The following GABRB1 variants were observed in gnomAD, a reference collection of about 807,000 sequenced individuals.
GABRB1 encodes the protein gamma-aminobutyric acid type A receptor subunit beta1.
GABRB1 carries 17 observed loss-of-function variants against 51.6 expected under a neutral mutation model. That is an observed-to-expected ratio of 0.33 (90% CI 0.23 to 0.49). The LOEUF (loss-of-function observed/expected upper bound fraction) is 0.49. GABRB1 is among the 20% of genes least tolerant of loss of function. The pLI is 0.99. For synonymous variants in GABRB1, 247 were observed against 218.9 expected (o/e 1.13, Z -1.14); for missense variants, 410 against 600.6 (o/e 0.68, Z 3.32).
At chr4:47,093,234 C>A (rs1399942674) in intron 3 of GABRB1, among the ~76,000 whole-genome samples, 2 of 152,132 alleles carry the variant, frequency 1.3e-5, no homozygotes, top group Non-Finnish European at 2.9e-5. Flanking sequence ...GACTAACCAC[C>A]ACTGAAACGA....
chr4:47,154,592 A>G (rs1183843740), intron 3 of GABRB1, among the ~76,000 whole-genome samples: 1 of 151,974 alleles, frequency 6.6e-6, no homozygotes, highest in Non-Finnish European at 1.5e-5. Context: ...TGAGATTCTG[A>G]TATGTGTGTT....
intron 3 of GABRB1, among the ~76,000 whole-genome samples, chr4:47,045,929 A>G (rs1374157299): frequency 2.0e-5 from 3 of 151,992 alleles, no homozygotes; most frequent in Admixed American, 2.0e-4. Context: ...CTGTGTCCCC[A>G]CTCAAATCTT....
intron 4 of GABRB1, among the ~76,000 whole-genome samples, chr4:47,298,092 A>G (rs959885970): frequency 1.1e-4 from 16 of 152,310 alleles, no homozygotes; most frequent in African/African-American, 3.6e-4. Context: ...GACGTATCTC[A>G]AAATAATAAG....
intron 4 of GABRB1, among the ~76,000 whole-genome samples, chr4:47,172,681 G>A (rs1042480735): frequency 3.9e-4 from 42 of 108,496 alleles, no homozygotes; most frequent in East Asian, 1.3e-3. Flanking sequence ...TTCCTATGTC[G>A]CCCAGGCTGA....
At chr4:47,114,616 T>C (rs775357162) in intron 3 of GABRB1, among the ~76,000 whole-genome samples, 2 of 152,248 alleles carry the variant, frequency 1.3e-5, no homozygotes, top group Non-Finnish European at 2.9e-5. Flanking sequence ...TGTTAGTTTG[T>C]AGCATTATGA....
chr4:47,337,746 G>T (rs777945664), intron 5 of GABRB1, among the ~76,000 whole-genome samples: 2 of 145,068 alleles, frequency 1.4e-5, no homozygotes, highest in African/African-American at 2.6e-5. Context: ...GGCAGCAAAG[G>T]TTTCAGTGAG....
chr4:47,123,510 A>G (rs1215826003), intron 3 of GABRB1, among the ~76,000 whole-genome samples: 7 of 92,752 alleles, frequency 7.5e-5, no homozygotes, highest in African/African-American at 2.7e-4. Flanking sequence ...AATATATTAT[A>G]TATTATAATA....
At position 47,009,159 on chromosome 4, in the gene GABRB1, C is replaced by T. The variant is rs186513386; in HGVS notation, c.-20+15233C>T. 1.7e-3 allele frequency among the ~76,000 whole-genome samples: 254 copies of T among 149,784 alleles called. 1 individual carries two copies. The highest frequency in any genetic ancestry group is 5.8e-3 in the African/African-American group (239 of 41,054). On this transcript the variant is annotated intron_variant, in intron 1 of 3. Transcript: ENST00000513567. Reference sequence around the variant, plus strand: ...GATTACAGGCATGAGCCACCGCGCCCGGCCAGATACTACATTTTGTTCACT... The same window carrying T: ...GATTACAGGCATGAGCCACCGCGCCTGGCCAGATACTACATTTTGTTCACT...
chr4:47,061,018 A>T (rs987244633), intron 3 of GABRB1, among the ~76,000 whole-genome samples: 1 of 152,240 alleles, frequency 6.6e-6, no homozygotes, highest in Non-Finnish European at 1.5e-5. Context: ...TTCTATCATT[A>T]TGAAACACAA....
intron 4 of GABRB1, among the ~76,000 whole-genome samples, chr4:47,245,868 T>C (rs1471565086): frequency 6.6e-6 from 1 of 151,212 alleles, no homozygotes; most frequent in Non-Finnish European, 1.5e-5. Context: ...AGAAACATTG[T>C]AGAGGTCTAC....
intron 4 of GABRB1, among the ~76,000 whole-genome samples, chr4:47,292,177 G>A (rs763927303): frequency 1.4e-4 from 21 of 152,042 alleles, no homozygotes; most frequent in Non-Finnish European, 2.2e-4. Context: ...GAGATCTGAT[G>A]GTCATTACAA....
intron 8 of GABRB1, among the ~76,000 whole-genome samples, chr4:47,421,446 T>C (rs577997170): frequency 6.6e-6 from 1 of 152,164 alleles, no homozygotes; most frequent in Admixed American, 6.5e-5. Context: ...ATCAGGTGAT[T>C]CCATTTTACA....
chr4:47,081,743 T>A (rs1407015093), intron 3 of GABRB1, among the ~76,000 whole-genome samples: 1 of 152,144 alleles, frequency 6.6e-6, no homozygotes, highest in African/African-American at 2.4e-5. Context: ...ATAATTAACG[T>A]CTACTGGCTT....
intron 3 of GABRB1, among the ~76,000 whole-genome samples, chr4:47,077,707 C>T (rs1727616992): frequency 6.6e-6 from 1 of 150,966 alleles, no homozygotes; most frequent in Non-Finnish European, 1.5e-5. Context: ...ATATGAGATA[C>T]TTTGTTCCAC....
chr4:47,342,963 A>G (rs1725957686), intron 5 of GABRB1, among the ~76,000 whole-genome samples: 1 of 152,114 alleles, frequency 6.6e-6, no homozygotes, highest in Non-Finnish European at 1.5e-5. Context: ...CATATTTGGC[A>G]AGATGTGTGG....
At chr4:47,362,283 A>G (rs758345411) in intron 5 of GABRB1, among the ~76,000 whole-genome samples, 1 of 152,146 alleles carries the variant, frequency 6.6e-6, no homozygotes, top group African/African-American at 2.4e-5. Context: ...TGGAACTAGA[A>G]GTCAGAGTGG....
At chr4:47,096,191 T>C (rs1369287630) in intron 3 of GABRB1, among the ~76,000 whole-genome samples, 1 of 152,186 alleles carries the variant, frequency 6.6e-6, no homozygotes, top group Non-Finnish European at 1.5e-5. Context: ...AGAGAACATA[T>C]AGCTTTCCAA....
At chr4:47,334,483 A>G (rs1725619907) in intron 5 of GABRB1, among the ~76,000 whole-genome samples, 1 of 152,172 alleles carries the variant, frequency 6.6e-6, no homozygotes, top group Non-Finnish European at 1.5e-5. Context: ...GTTAAGTAAC[A>G]TTCCTGGCAT....
intron 3 of GABRB1, among the ~76,000 whole-genome samples, chr4:47,144,900 A>C (rs1419746362): frequency 1.3e-5 from 2 of 151,948 alleles, no homozygotes; most frequent in Non-Finnish European, 2.9e-5. Flanking sequence ...ATGACCACGC[A>C]TGCCAAGCCG....
Sources: allele counts gnomAD v4.1 joint callset (sites outside exome capture counted in the v4.1 genomes callset), GRCh38; gene constraint gnomAD v4.1.1; transcripts MANE v1.5; gene names NCBI Gene and HGNC (gene_info 2026-07-23, HGNC 2026-07-21).